CADM2: variants seen among roughly 807,000 people sequenced by gnomAD.
CADM2 encodes immunoglobulin superfamily member 4D.
A neutral mutation model predicts 49.8 loss-of-function variants in CADM2; 12 were observed. That is an observed-to-expected ratio of 0.24 (90% CI 0.15 to 0.39). CADM2 has a LOEUF of 0.39. CADM2 is among the 10% of genes least tolerant of loss of function. CADM2 has a pLI of 1.00. For synonymous variants in CADM2, 214 were observed against 175.4 expected (o/e 1.22, Z -1.74); for missense variants, 378 against 492.3 (o/e 0.77, Z 2.20).
At chr3:85,657,715 TATATATATATACAG>T (rs1285053336) in intron 1 of CADM2, among the ~76,000 whole-genome samples, 19 of 53,370 alleles carry the variant, frequency 3.6e-4, no homozygotes, top group South Asian at 9.3e-4. Flanking sequence ...TATACACAGA[TATATATATATACAG>T]ATATATATAT....
In CADM2 at chr3:85,983,491, G is replaced by T. The variant is rs918960370; in HGVS notation, c.970+21844G>T. On this transcript the variant is annotated intron_variant, in intron 8 of 9. Transcript: ENST00000383699. ...TTCATCAGAAAAACATGAAGCACAG[G>T]TTTGACTTGAGAGTTATATAATATC... 2.6e-5 allele frequency among the ~76,000 whole-genome samples: 4 copies of T among 151,538 alleles called. 1 individual carries two copies. The highest frequency in any genetic ancestry group is 2.0e-4 in the Admixed American group (3 of 15,122).
At chr3:85,710,000 T>C (rs2067069320) in intron 1 of CADM2, among the ~76,000 whole-genome samples, 2 of 152,124 alleles carry the variant, frequency 1.3e-5, no homozygotes. Context: ...GTTACCTGAG[T>C]ACTCTAGCAA....
chr3:85,519,677 A>AGCTT (rs2060987286), intron 1 of CADM2, among the ~76,000 whole-genome samples: 1 of 152,134 alleles, frequency 6.6e-6, no homozygotes, highest in Non-Finnish European at 1.5e-5. Flanking sequence ...TTCTAAGAAG[A>AGCTT]GCTTGGACTG....
chr3:85,008,838 C>T (rs2033861159), intron 1 of CADM2, among the ~76,000 whole-genome samples: 1 of 152,030 alleles, frequency 6.6e-6, no homozygotes, highest in African/African-American at 2.4e-5. Flanking sequence ...ACTTGTAGCT[C>T]ATGTTTTCCA....
chr3:85,701,154 G>A (rs1203693239), intron 1 of CADM2, among the ~76,000 whole-genome samples: 1 of 152,110 alleles, frequency 6.6e-6, no homozygotes, highest in Non-Finnish European at 1.5e-5. Flanking sequence ...GGTGGAGCAG[G>A]AAGAAGAGAT....
chr3:85,350,780 T>C (rs2107235914), intron 1 of CADM2, among the ~76,000 whole-genome samples: 1 of 152,126 alleles, frequency 6.6e-6, no homozygotes, highest in Admixed American at 6.6e-5. Context: ...AAAGTAGAGA[T>C]GGGGAAATAT....
chr3:86,042,252 GAC>G, intron 8 of CADM2, among the ~76,000 whole-genome samples: 1 of 152,018 alleles, frequency 6.6e-6, no homozygotes, highest in South Asian at 2.1e-4. Flanking sequence ...AGGAAATAGA[GAC>G]ACAAAAAACC....
At chr3:85,680,603 A>T (rs1037682597) in intron 1 of CADM2, among the ~76,000 whole-genome samples, 1 of 152,188 alleles carries the variant, frequency 6.6e-6, no homozygotes, top group African/African-American at 2.4e-5. Context: ...ACTGTGTCAT[A>T]CACCCTGCAA....
intron 1 of CADM2, among the ~76,000 whole-genome samples, chr3:85,601,817 A>G (rs972043609): frequency 3.3e-5 from 5 of 151,552 alleles, no homozygotes; most frequent in Non-Finnish European, 7.4e-5. Context: ...ATTACTTCAT[A>G]TTCTCTTCTT....
intron 8 of CADM2, among the ~76,000 whole-genome samples, chr3:86,052,375 G>A (rs975043855): frequency 7.9e-5 from 12 of 152,052 alleles, no homozygotes; most frequent in Non-Finnish European, 1.8e-4. Flanking sequence ...AACATATAGT[G>A]TGGAATATAA....
At chr3:85,188,825 A>G (rs1172564829) in intron 1 of CADM2, among the ~76,000 whole-genome samples, 2 of 151,818 alleles carry the variant, frequency 1.3e-5, no homozygotes, top group Admixed American at 1.3e-4. Context: ...AGGTCAGGAG[A>G]TCGAGACCAT....
intron 3 of CADM2, among the ~76,000 whole-genome samples, chr3:85,872,852 T>G (rs1052675217): frequency 2.0e-5 from 3 of 152,120 alleles, no homozygotes; most frequent in African/African-American, 7.2e-5. Context: ...TTTTTACACT[T>G]CTTTTTTGTG....
intron 1 of CADM2, among the ~76,000 whole-genome samples, chr3:85,599,067 T>C (rs933312133): frequency 2.0e-5 from 3 of 151,966 alleles, no homozygotes; most frequent in Admixed American, 1.3e-4. Context: ...AACTATTGTC[T>C]CTAGATTTCC....
chr3:85,555,488 G>A (rs2061937449), intron 1 of CADM2, among the ~76,000 whole-genome samples: 1 of 152,050 alleles, frequency 6.6e-6, no homozygotes, highest in African/African-American at 2.4e-5. Flanking sequence ...GATTTCATTG[G>A]TTTAATTTAA....
chr3:85,656,425 G>T (rs1226950008), intron 1 of CADM2, among the ~76,000 whole-genome samples: 1 of 151,978 alleles, frequency 6.6e-6, no homozygotes, highest in Non-Finnish European at 1.5e-5. Context: ...TACCAGCCTG[G>T]CCAACATGGT....
intron 1 of CADM2, among the ~76,000 whole-genome samples, chr3:85,366,984 T>A (rs979071230): frequency 3.3e-5 from 5 of 152,058 alleles, no homozygotes; most frequent in African/African-American, 1.2e-4. Flanking sequence ...ATTGGCTTTT[T>A]CTTGCATAGT....
chr3:85,749,495 A>G (rs2068772176), intron 2 of CADM2, among the ~76,000 whole-genome samples: 1 of 152,000 alleles, frequency 6.6e-6, no homozygotes, highest in Admixed American at 6.6e-5. Flanking sequence ...TTTGTTAGAA[A>G]TTGCCAATCT....
intron 2 of CADM2, among the ~76,000 whole-genome samples, chr3:85,765,926 A>G (rs1176449768): frequency 6.6e-6 from 1 of 152,060 alleles, no homozygotes; most frequent in African/African-American, 2.4e-5. Flanking sequence ...ATTTGATTCC[A>G]CTTTCTGGCA....
chr3:85,988,043 C>A (rs1265258676), intron 8 of CADM2, among the ~76,000 whole-genome samples: 1 of 152,080 alleles, frequency 6.6e-6, no homozygotes, highest in African/African-American at 2.4e-5. Context: ...ACTAATTATA[C>A]CAACTTTGGG....
Sources: allele counts gnomAD v4.1 joint callset (sites outside exome capture counted in the v4.1 genomes callset), GRCh38; gene constraint gnomAD v4.1.1; transcripts MANE v1.5; gene names NCBI Gene and HGNC (gene_info 2026-07-23, HGNC 2026-07-21).